HEMK2: variants seen among roughly 807,000 people sequenced by gnomAD.
HEMK2 encodes HemK methyltransferase 2, ETF1 glutamine and histone H4 lysine.
At chr21:28,762,103 G>A in the HEMK2 span, among the ~76,000 whole-genome samples, 139 of 152,146 alleles carry the variant, frequency 9.1e-4, no homozygotes, top group Admixed American at 4.1e-3. Context: ...AAGAAAAGAC[G>A]TTGCCCTCAG....
At chr21:28,879,170 C>T in the HEMK2 span, among the ~76,000 whole-genome samples, 1 of 150,424 alleles carries the variant, frequency 6.6e-6, no homozygotes, top group African/African-American at 2.5e-5. Context: ...CTGCAGCTTC[C>T]ACCTTGTGGG....
chr21:28,719,799 T>C, the HEMK2 span, among the ~76,000 whole-genome samples: 85,779 of 152,050 alleles, frequency 0.56, 27,180 homozygotes, highest in African/African-American at 0.85. Flanking sequence ...GAAAAGCAAC[T>C]CAGCTTATTC....
chr21:28,805,156 G>A, the HEMK2 span, among the ~76,000 whole-genome samples: 1 of 152,312 alleles, frequency 6.6e-6, no homozygotes, highest in East Asian at 1.9e-4. Flanking sequence ...CACAGGGAGA[G>A]CTGGATATTC....
At chr21:28,834,528 A>C in the HEMK2 span, among the ~76,000 whole-genome samples, 1 of 152,212 alleles carries the variant, frequency 6.6e-6, no homozygotes, top group South Asian at 2.1e-4. Context: ...CTAGCAGGCC[A>C]TTCCTGCCTG....
At chr21:28,600,316 T>C in the HEMK2 span, among the ~76,000 whole-genome samples, 1 of 152,250 alleles carries the variant, frequency 6.6e-6, no homozygotes, top group African/African-American at 2.4e-5. Context: ...AATTCTTGAC[T>C]TCTGTGCACC....
the HEMK2 span, among the ~76,000 whole-genome samples, chr21:28,764,599 T>C: frequency 1.3e-5 from 2 of 152,240 alleles, no homozygotes; most frequent in East Asian, 3.9e-4. Context: ...AGTCTATCAG[T>C]TGCACTCAGC....
At chr21:28,669,801 G>A in the HEMK2 span, among the ~76,000 whole-genome samples, 1 of 152,216 alleles carries the variant, frequency 6.6e-6, no homozygotes, top group East Asian at 1.9e-4. Flanking sequence ...TGGATTTGGG[G>A]GTGACTTGTC....
the HEMK2 span, among the ~76,000 whole-genome samples, chr21:28,696,763 GA>G: frequency 1.3e-5 from 2 of 152,206 alleles, no homozygotes; most frequent in South Asian, 2.1e-4. Context: ...AGACATCCAG[GA>G]ATTTCCATAC....
At chr21:28,842,940 A>AT in the HEMK2 span, among the ~76,000 whole-genome samples, 1 of 152,138 alleles carries the variant, frequency 6.6e-6, no homozygotes, top group African/African-American at 2.4e-5. Context: ...ACAATGGGAG[A>AT]TAGCATCAAA....
the HEMK2 span, among the ~76,000 whole-genome samples, chr21:28,613,034 A>G: frequency 6.6e-6 from 1 of 152,096 alleles, no homozygotes; most frequent in Non-Finnish European, 1.5e-5. Flanking sequence ...AATTTAATGC[A>G]ATTCAAATGC....
the HEMK2 span, chr21:28,885,186 C>T: frequency 3.3e-6 from 5 of 1,535,756 alleles, no homozygotes; most frequent in Non-Finnish European, 4.4e-6. Context: ...AACCCTTTCC[C>T]GTCAGAGCCC....
At chr21:28,657,696 A>C in the HEMK2 span, among the ~76,000 whole-genome samples, 3 of 152,070 alleles carry the variant, frequency 2.0e-5, no homozygotes, top group South Asian at 6.2e-4. Context: ...AAATGTTTGT[A>C]CTTCAACTCA....
the HEMK2 span, chr21:28,885,340 T>A: frequency 1.9e-6 from 3 of 1,570,004 alleles, no homozygotes; most frequent in Non-Finnish European, 2.6e-6. Flanking sequence ...AGTTCTCCCC[T>A]GCCATAGTCC....
the HEMK2 span, among the ~76,000 whole-genome samples, chr21:28,881,615 G>A: frequency 6.7e-6 from 1 of 148,762 alleles, no homozygotes; most frequent in African/African-American, 2.5e-5. Flanking sequence ...TAGCTGTGCT[G>A]AAGCCATCAA....
chr21:28,615,331 T>C, the HEMK2 span, among the ~76,000 whole-genome samples: 2 of 152,064 alleles, frequency 1.3e-5, no homozygotes, highest in East Asian at 1.9e-4. Context: ...CTCCTTCCCC[T>C]TTTCCCCCTC....
the HEMK2 span, among the ~76,000 whole-genome samples, chr21:28,672,599 T>C: frequency 6.6e-6 from 1 of 152,078 alleles, no homozygotes; most frequent in Non-Finnish European, 1.5e-5. Context: ...AGGTGGTCTT[T>C]CTCCTCTTGT....
At chr21:28,771,518 A>ACTCC in the HEMK2 span, among the ~76,000 whole-genome samples, 1 of 105,594 alleles carries the variant, frequency 9.5e-6, no homozygotes, top group Admixed American at 1.1e-4. Context: ...AAGATGCACC[A>ACTCC]CCCCCCCCCG....
At chr21:28,590,282 G>C in the HEMK2 span, among the ~76,000 whole-genome samples, 1 of 152,116 alleles carries the variant, frequency 6.6e-6, no homozygotes, top group African/African-American at 2.4e-5. Flanking sequence ...TGAAGAAACT[G>C]GACACCAGTG....
At chr21:28,874,785 C>A in the HEMK2 span, 1 of 152,254 alleles carries the variant, frequency 6.6e-6, no homozygotes, top group Admixed American at 6.5e-5. Flanking sequence ...CACCAATTTT[C>A]CAGTTATATT....
Sources: gnomAD v4.1 joint callset for allele counts (sites outside exome capture counted in the v4.1 genomes callset) on GRCh38, gnomAD v4.1.1 for gene constraint, MANE v1.5 for transcripts, NCBI Gene and HGNC (gene_info 2026-07-23, HGNC 2026-07-21) for gene names.